DPYD: variants seen among roughly 807,000 people sequenced by gnomAD.
DPYD encodes dihydropyrimidine dehydrogenase [NADP(+)].
Under a neutral mutation model 116.2 loss-of-function variants are expected in DPYD, and 109 were observed. The observed-to-expected ratio is 0.94, with a 90% CI of 0.80 to 1.10. The LOEUF (loss-of-function observed/expected upper bound fraction) is 1.10. Among genes scored for constraint, DPYD ranks in the 50% least tolerant of loss-of-function variants. The pLI is 0.00. For missense variants in DPYD, 1,302 were observed against 1,254.5 expected (o/e 1.04, Z -0.57); for synonymous variants, 440 against 432.0 (o/e 1.02, Z -0.23).
intron 18 of DPYD, among the ~76,000 whole-genome samples, chr1:97,294,121 C>T (rs1339818223): frequency 2.0e-5 from 3 of 152,102 alleles, no homozygotes; most frequent in African/African-American, 7.2e-5. Context: ...ATAATCCAAA[C>T]AGGTCAGTCA....
At position 97,549,658 on chromosome 1, in the gene DPYD, C is replaced by T. The variant is rs1206098971; in HGVS notation, c.1426G>A (p.Val476Ile). The T allele has an allele frequency of 1.2e-6, 2 of 1,613,872 alleles. No individual in the cohort carries two copies. Among genetic ancestry groups the T allele is most frequent in the Admixed American group, 1.7e-5 (1 of 59,984 alleles). ...CCAACGACATCACCACCTGCAAATA[C>T]CCATGCTTCACTAGTTTGCATAGTT... ...PETMQTSEAW[V>I]FAGGDVVGLA... The change falls in exon 12 of 23, where the codon GTA becomes ATA. Residue 476 changes from valine (V) to isoleucine (I), a missense_variant. Physicochemically the swap from Val to Ile is conservative, Grantham distance 29. Coordinates refer to ENST00000370192, the MANE Select transcript of DPYD (RefSeq NM_000110.4).
intron 12 of DPYD, 81 bp downstream of exon 12, chr1:97,549,479 C>T (rs1651150646): frequency 2.1e-6 from 3 of 1,434,632 alleles, no homozygotes; most frequent in Admixed American, 1.7e-5. Flanking sequence ...AATAGAAATG[C>T]TCTTATAGAT....
intron 3 of DPYD, among the ~76,000 whole-genome samples, chr1:97,814,970 G>A: frequency 6.9e-6 from 1 of 144,524 alleles, no homozygotes; most frequent in Non-Finnish European, 1.5e-5. Context: ...GAGAAAGAAA[G>A]AAAGACAAAG....
chr1:97,792,719 A>C (rs1414743038), intron 3 of DPYD, among the ~76,000 whole-genome samples: 1 of 152,328 alleles, frequency 6.6e-6, no homozygotes, highest in East Asian at 1.9e-4. Context: ...TGAAAATAAG[A>C]GAATGACACT....
chr1:97,112,806 A>T (rs1379837903), intron 20 of DPYD, among the ~76,000 whole-genome samples: 1 of 152,178 alleles, frequency 6.6e-6, no homozygotes, highest in Non-Finnish European at 1.5e-5. Flanking sequence ...TAAGAAAAGG[A>T]CTTTCCATCC....
intron 1 of DPYD, among the ~76,000 whole-genome samples, chr1:97,909,656 T>C (rs1295853753): frequency 6.6e-6 from 1 of 152,072 alleles, no homozygotes; most frequent in Non-Finnish European, 1.5e-5. Flanking sequence ...GTTGACTATA[T>C]ACACATCCTT....
intron 15 of DPYD, among the ~76,000 whole-genome samples, chr1:97,376,887 G>GTATATATATATATATATATATA (rs1553166538): frequency 8.6e-5 from 11 of 128,410 alleles, no homozygotes; most frequent in Admixed American, 1.6e-4. Context: ...GTGTGTGTGT[G>GTATATATATATATATATATATA]TATATATATA....
rs1367715523 is a variant in DPYD, at chr1:97,158,096, T to C, written c.2622+34973A>G. Among the ~76,000 whole-genome samples the C allele has an allele frequency of 2.6e-5, 4 of 152,226 alleles. No homozygotes were observed. In the East Asian group the frequency reaches 7.7e-4, roughly 29 times the overall value. On this transcript the variant is annotated intron_variant, in intron 20 of 22. Coordinates refer to ENST00000370192, the MANE Select transcript of DPYD (RefSeq NM_000110.4). The stretch of plus-strand genomic sequence containing the variant: ...AAAAGTACACTGATAGCAAGTAGTA[T>C]TGCACCAATTATACCCTTCACTGCA...
intron 20 of DPYD, among the ~76,000 whole-genome samples, chr1:97,139,262 T>G (rs1347069007): frequency 6.6e-6 from 1 of 152,304 alleles, no homozygotes; most frequent in Admixed American, 6.5e-5. Flanking sequence ...TTTCTGATGC[T>G]GTAGCTGGAT....
chr1:97,129,899 C>G (rs1653144230), intron 20 of DPYD, among the ~76,000 whole-genome samples: 1 of 152,192 alleles, frequency 6.6e-6, no homozygotes, highest in South Asian at 2.1e-4. Context: ...TAAATAGACT[C>G]AGGATTATCT....
chr1:97,565,228 A>G (rs1288038806), intron 11 of DPYD, among the ~76,000 whole-genome samples: 1 of 152,068 alleles, frequency 6.6e-6, no homozygotes, highest in Non-Finnish European at 1.5e-5. Context: ...ACTAACATGA[A>G]CCATCTCAAA....
At chr1:97,589,336 C>T (rs1390404377) in intron 10 of DPYD, among the ~76,000 whole-genome samples, 4 of 152,216 alleles carry the variant, frequency 2.6e-5, no homozygotes, top group African/African-American at 4.8e-5. Flanking sequence ...ATAATCCCCA[C>T]CTGTCAAGGG....
chr1:97,231,234 C>G (rs957372314), intron 19 of DPYD, among the ~76,000 whole-genome samples: 1 of 152,136 alleles, frequency 6.6e-6, no homozygotes, highest in Non-Finnish European at 1.5e-5. Context: ...TACTAATATT[C>G]CCGTCTTACA....
intron 16 of DPYD, 29 bp from the exon 17 acceptor site, chr1:97,306,326 A>G: frequency 1.2e-6 from 2 of 1,611,422 alleles, no homozygotes; most frequent in South Asian, 2.2e-5. Flanking sequence ...TAAATATAGA[A>G]CAAAATTAAA....
intron 8 of DPYD, among the ~76,000 whole-genome samples, chr1:97,649,004 T>C (rs1658427340): frequency 6.6e-6 from 1 of 152,066 alleles, no homozygotes; most frequent in African/African-American, 2.4e-5. Flanking sequence ...TTGTTTTACA[T>C]ATGTTATATC....
intron 19 of DPYD, among the ~76,000 whole-genome samples, chr1:97,222,134 T>C (rs2101894202): frequency 6.6e-6 from 1 of 152,230 alleles, no homozygotes; most frequent in African/African-American, 2.4e-5. Context: ...ATAAAAATAG[T>C]AGTTTAAGAC....
At chr1:97,123,048 A>T (rs1375273738) in intron 20 of DPYD, among the ~76,000 whole-genome samples, 2 of 152,130 alleles carry the variant, frequency 1.3e-5, no homozygotes, top group Non-Finnish European at 2.9e-5. Flanking sequence ...CTTTAAAGTA[A>T]AGGTTAACTA....
chr1:97,371,351 T>C (rs747839069), intron 16 of DPYD, among the ~76,000 whole-genome samples: 6 of 152,156 alleles, frequency 3.9e-5, no homozygotes, highest in African/African-American at 9.7e-5. Flanking sequence ...GCTTAGCACA[T>C]AGTAAGTTTT....
chr1:97,878,790 A>G lies in DPYD; in HGVS notation c.150+4474T>C, dbSNP rs185861520. On this transcript the variant is annotated intron_variant, in intron 2 of 22. Transcript: ENST00000370192. ...ACGCCTTAACTGTTCTTCCTTCAAAAGAGTATTATTATTATTTATTGGTAT... is the reference window on the plus strand; with the variant it reads ...ACGCCTTAACTGTTCTTCCTTCAAAGGAGTATTATTATTATTTATTGGTAT... 9.2e-5 allele frequency among the ~76,000 whole-genome samples: 14 copies of G among 152,088 alleles called. No homozygotes were observed. The East Asian group carries it at 2.5e-3, about 27-fold the overall frequency.
Sources: allele counts gnomAD v4.1 joint callset (sites outside exome capture counted in the v4.1 genomes callset), GRCh38; gene constraint gnomAD v4.1.1; transcripts MANE v1.5; gene names NCBI Gene and HGNC (gene_info 2026-07-23, HGNC 2026-07-21).